ZNF664: variants seen among roughly 807,000 people sequenced by gnomAD.
ZNF664 encodes the protein zinc finger protein 664.
A neutral mutation model predicts 18.2 loss-of-function variants in ZNF664; 10 were observed. That is an observed-to-expected ratio of 0.55 (90% CI 0.34 to 0.93). The LOEUF is 0.93. ZNF664 is among the 40% of genes least tolerant of loss of function. The pLI is 0.02. For synonymous variants in ZNF664, 119 were observed against 104.2 expected, an observed-to-expected ratio of 1.14 and a Z score of -0.86; for missense variants, 193 against 319.0, an observed-to-expected ratio of 0.61 and a Z score of 3.01.
intron 3 of ZNF664, among the ~76,000 whole-genome samples, chr12:123,996,092 G>T (rs1233448497): frequency 1.3e-5 from 2 of 152,236 alleles, no homozygotes; most frequent in African/African-American, 2.4e-5. Flanking sequence ...TCAGTTAACA[G>T]TGTGCATTCC....
Position 124,015,183 on chromosome 12 carries a change from G to C in ZNF664, c.*2253G>C, listed in dbSNP as rs1779990902. Reference sequence around the variant, plus strand: ...CTTGGGCAAATCGCTTAATCTTTGAGTCTAGTTTTCTCTCAAAATGAGAAC... The same window carrying C: ...CTTGGGCAAATCGCTTAATCTTTGACTCTAGTTTTCTCTCAAAATGAGAAC... On this transcript the variant is annotated 3_prime_UTR_variant, in exon 5 of 5. Coordinates refer to ENST00000337815, the MANE Select transcript of ZNF664 (RefSeq NM_152437.3). 1 of 167,042 alleles carries C rather than the reference G, an allele frequency of 6.0e-6. No individual in the cohort carries two copies. The highest frequency in any genetic ancestry group is 1.5e-5 in the Non-Finnish European group (1 of 68,104). The allele number at this position is 167,042 out of a possible 1,614,324, so 10.3% of individuals were successfully genotyped here. A position where few individuals can be genotyped will look rare whatever the true frequency, so the allele number is the denominator to read the frequency against.
chr12:124,001,271 A>G (rs1957008733), intron 3 of ZNF664, among the ~76,000 whole-genome samples: 1 of 152,160 alleles, frequency 6.6e-6, no homozygotes, highest in Admixed American at 6.5e-5. Flanking sequence ...GTTTACCCCT[A>G]AATGCTCTTG....
In ZNF664 at chr12:123,973,982, C is replaced by T. The variant is rs540911656; in HGVS notation, c.-795C>T. 5.0e-5 allele frequency: 61 copies of T among 1,231,836 alleles called. No individual in the cohort carries two copies. Among genetic ancestry groups the T allele is most frequent in the Non-Finnish European group, 6.0e-5 (59 of 988,132 alleles). The allele number at this position is 1,231,836 out of a possible 1,614,324, so 76.3% of individuals were successfully genotyped here. A position where few individuals can be genotyped will look rare whatever the true frequency, so the allele number is the denominator to read the frequency against. ...AGAAGGCTGCTGCCGCCGGACGCCT[C>T]CATTGTTTGACCACAACAAGGGCCG... On this transcript the variant is annotated 5_prime_UTR_variant, in exon 2 of 5. Transcript: ENST00000337815.
At chr12:124,003,750 G>A (rs964004949) in intron 3 of ZNF664, among the ~76,000 whole-genome samples, 1 of 152,182 alleles carries the variant, frequency 6.6e-6, no homozygotes, top group Non-Finnish European at 1.5e-5. Flanking sequence ...AGCCACGAGT[G>A]AGGGAGTCAG....
Position 124,012,349 on chromosome 12 carries a change from A to G in ZNF664, c.205A>G (p.Ser69Gly). Residue 69 changes from serine to glycine, a missense_variant, in exon 5 of 5, where the codon AGC (serine) becomes GGC (glycine). Ser to Gly is a moderately conservative substitution (Grantham distance 56). Around this residue, in one of 3 missense-constraint regions of ZNF664, gnomAD observed 90 missense variants for 118.9 expected, o/e 0.76. Coordinates refer to ENST00000337815, the MANE Select transcript of ZNF664 (RefSeq NM_152437.3). Reference protein sequence around the residue: ...YKCDDCGKDFSTTTKLNRHKK... With the variant: ...YKCDDCGKDFGTTTKLNRHKK... ...ATGTGATGATTGTGGTAAGGATTTT[A>G]GCACTACAACAAAACTTAATAGACA... The G allele has an allele frequency of 1.2e-6, 2 of 1,614,276 alleles. No homozygotes were observed. The highest frequency in any genetic ancestry group is 2.2e-5 in the South Asian group (2 of 91,090).
intron 2 of ZNF664, among the ~76,000 whole-genome samples, chr12:123,979,764 C>T (rs560531811): frequency 8.1e-4 from 124 of 152,236 alleles, no homozygotes; most frequent in African/African-American, 2.8e-3. Context: ...AGTGTAGCCT[C>T]AGCCTCCTGG....
At chr12:123,980,599 T>C (rs1457767556) in intron 2 of ZNF664, among the ~76,000 whole-genome samples, 1 of 152,138 alleles carries the variant, frequency 6.6e-6, no homozygotes, top group East Asian at 1.9e-4. Flanking sequence ...AACATTGCCA[T>C]TAAAAACGTT....
At chr12:123,989,728 T>C (rs1430089971) in intron 3 of ZNF664, among the ~76,000 whole-genome samples, 1 of 152,212 alleles carries the variant, frequency 6.6e-6, no homozygotes, top group Admixed American at 6.5e-5. Flanking sequence ...ATTAATAACA[T>C]ACATTTTCAG....
At chr12:123,991,917 CTT>C (rs1956893458) in intron 3 of ZNF664, among the ~76,000 whole-genome samples, 1 of 152,220 alleles carries the variant, frequency 6.6e-6, no homozygotes, top group Admixed American at 6.5e-5. Context: ...ATTTCATAGT[CTT>C]TGTGGTAATT....
At position 124,012,018 on chromosome 12, in the gene ZNF664, C is replaced by G. The variant is rs779920789; in HGVS notation, c.-127C>G. The G allele has an allele frequency of 2.8e-5, 41 of 1,449,878 alleles. No individual in the cohort carries two copies. Among genetic ancestry groups the G allele is most frequent in the Non-Finnish European group, 3.6e-5 (40 of 1,110,604 alleles). 89.8% of individuals were successfully genotyped at this position (1,449,878 alleles called of 1,614,324 possible). On this transcript the variant is annotated 5_prime_UTR_variant, in exon 5 of 5. Coordinates refer to ENST00000337815, the MANE Select transcript of ZNF664 (RefSeq NM_152437.3). ...AAGCTTAGGCTGACCTTAAACTTAC[C>G]TAATAGAGCAAGCCTGAGATAGACT...
chr12:123,983,030 C>T (rs937425726), intron 2 of ZNF664, among the ~76,000 whole-genome samples: 3 of 152,156 alleles, frequency 2.0e-5, no homozygotes, highest in Non-Finnish European at 4.4e-5. Context: ...TGGCACACAC[C>T]TGTGGTTCCA....
At chr12:123,984,632 G>A (rs1199362347) in intron 2 of ZNF664, among the ~76,000 whole-genome samples, 2 of 152,038 alleles carry the variant, frequency 1.3e-5, no homozygotes, top group Non-Finnish European at 2.9e-5. Context: ...GGAGGAGAGA[G>A]TTGGTTTCAA....
chr12:123,988,357 T>A (rs918194413), intron 3 of ZNF664, among the ~76,000 whole-genome samples: 4 of 152,240 alleles, frequency 2.6e-5, no homozygotes, highest in Non-Finnish European at 4.4e-5. Context: ...GTCAGAAACA[T>A]TTTTGTCCAA....
At chr12:124,005,184 A>C (rs1026668153) in intron 3 of ZNF664, among the ~76,000 whole-genome samples, 1 of 152,146 alleles carries the variant, frequency 6.6e-6, no homozygotes, top group Non-Finnish European at 1.5e-5. Flanking sequence ...TAGAGAAAAA[A>C]ACAAAATGTA....
At position 124,012,493 on chromosome 12, in the gene ZNF664, T is replaced by C; in HGVS notation, c.349T>C (p.Cys117Arg). The change falls in exon 5 of 5, where the codon TGT becomes CGT. Residue 117 changes from cysteine (C) to arginine (R), a missense_variant. This residue lies in a region of ZNF664 where 61 missense variants were observed against 153.7 expected (regional missense o/e 0.40). Transcript: ENST00000337815. ...TCATACAGGTGAGAAACCGTATGTC[T>C]GTAGTGAGTGTGGAAGGGGCTTTAG... ...RVHTGEKPYV[C>R]SECGRGFSNS... The C allele has an allele frequency of 1.2e-6, 2 of 1,614,182 alleles. No homozygotes were observed. The highest frequency in any genetic ancestry group is 1.7e-6 in the Non-Finnish European group (2 of 1,180,032).
At chr12:124,005,483 A>ATGTG (rs202223166) in intron 3 of ZNF664, among the ~76,000 whole-genome samples, 35,076 of 142,266 alleles carry the variant, frequency 0.25, 4,701 homozygotes, top group Non-Finnish European at 0.31. Flanking sequence ...AATTTATAGA[A>ATGTG]TGTGTGTGTG....
chr12:123,983,765 C>G (rs1471847309), intron 2 of ZNF664, among the ~76,000 whole-genome samples: 1 of 152,170 alleles, frequency 6.6e-6, no homozygotes, highest in Admixed American at 6.5e-5. Flanking sequence ...TTCATTGATT[C>G]AAAGTACTCG....
At chr12:123,993,692 AAAC>A (rs1956914093) in intron 3 of ZNF664, among the ~76,000 whole-genome samples, 2 of 152,154 alleles carry the variant, frequency 1.3e-5, no homozygotes, top group Admixed American at 1.3e-4. Flanking sequence ...CCTGATACCT[AAAC>A]AACGTTTCCT....
intron 2 of ZNF664, 153 bp downstream of exon 2, chr12:123,974,173 A>T (rs1296422961): frequency 2.1e-6 from 1 of 474,202 alleles, no homozygotes; most frequent in Non-Finnish European, 3.4e-6. Context: ...GTCCGGATCC[A>T]TCTCTCCGCC....
Sources: gnomAD v4.1 joint callset for allele counts (sites outside exome capture counted in the v4.1 genomes callset) on GRCh38, gnomAD v4.1.1 for gene constraint, gnomAD v4.1.1 regional missense constraint, MANE v1.5 for transcripts, NCBI Gene and HGNC (gene_info 2026-07-23, HGNC 2026-07-21) for gene names.